PKD1L1: variants seen among roughly 807,000 people sequenced by gnomAD.
The protein encoded by PKD1L1 is polycystin 1 like 1, transient receptor potential channel interacting.
A neutral mutation model predicts 323.4 loss-of-function variants in PKD1L1; 236 were observed. That is an observed-to-expected ratio of 0.73 (90% CI 0.66 to 0.81). PKD1L1 has a LOEUF of 0.81. Ranked by LOEUF, PKD1L1 falls within the 40% of genes least tolerant of loss-of-function variation. The pLI, the probability that PKD1L1 is intolerant of heterozygous loss-of-function variation, is 0.00. For missense variants in PKD1L1, 3,320 were observed against 3,508.0 expected (o/e 0.95, Z 1.35); for synonymous variants, 1,344 against 1,335.0 (o/e 1.01, Z -0.15).
chr7:47,831,159 C>T, intron 42 of PKD1L1, 58 bp downstream of exon 42: 1 of 1,560,264 alleles, frequency 6.4e-7, no homozygotes, highest in Non-Finnish European at 8.7e-7. Flanking sequence ...GATTTGTTTA[C>T]AAATGCGAGA....
intron 8 of PKD1L1, among the ~76,000 whole-genome samples, chr7:47,912,260 G>T (rs1191838706): frequency 6.6e-6 from 1 of 151,770 alleles, no homozygotes; most frequent in Non-Finnish European, 1.5e-5. Flanking sequence ...GGGATGCAGA[G>T]GAAAATATGA....
Position 47,904,518 on chromosome 7 carries a change from C to T in PKD1L1, c.1791G>A (p.Thr597=), listed in dbSNP as rs376845932. The part of the protein sequence containing the change: ...VQKKIVANRL[T]SPSSALVNAS... Reference sequence around the variant, plus strand: ...CATTTACCAGAGCTGAGGAGGGGGACGTGAGCCGATTGGCCACAATTTTCT... The same window carrying T: ...CATTTACCAGAGCTGAGGAGGGGGATGTGAGCCGATTGGCCACAATTTTCT... Residue 597 remains threonine, a synonymous_variant, in exon 12 of 57, where the codon ACG becomes ACA. Transcript: ENST00000289672. The T allele has an allele frequency of 1.8e-5, 29 of 1,613,938 alleles. No homozygotes were observed. The African/African-American group carries it at 2.0e-4, about 11-fold the overall frequency.
At chr7:47,888,244 C>G in intron 16 of PKD1L1, 94 bp from the exon 17 acceptor site, 1 of 1,312,836 alleles carries the variant, frequency 7.6e-7, no homozygotes, top group East Asian at 2.4e-5. Context: ...AATCACCCTA[C>G]TTTGGATCTT....
chr7:47,800,675 C>CT lies in PKD1L1; in HGVS notation c.8166dup (p.Val2723SerfsTer27). 1 of 1,614,176 alleles carries CT rather than the reference C, an allele frequency of 6.2e-7. No homozygotes were observed. The highest frequency in any genetic ancestry group is 8.5e-7 in the Non-Finnish European group (1 of 1,180,036). ...ATTCCAAAACACAGTGTGGCAGAGA[C>CT]TATTAAAAGGATCCCAAAGTAACAA... On this transcript the variant is annotated frameshift_variant, in exon 54 of 57. Coordinates refer to ENST00000289672, the MANE Select transcript of PKD1L1 (RefSeq NM_138295.5). LOFTEE classifies it high-confidence loss of function.
At chr7:47,902,019 G>T (rs1787099710) in intron 13 of PKD1L1, among the ~76,000 whole-genome samples, 1 of 147,120 alleles carries the variant, frequency 6.8e-6, no homozygotes, top group Admixed American at 6.8e-5. Context: ...TCCAAAAAAA[G>T]AAAGGAAAGG....
At chr7:47,914,483 G>A (rs1484930979) in intron 8 of PKD1L1, among the ~76,000 whole-genome samples, 1 of 152,178 alleles carries the variant, frequency 6.6e-6, no homozygotes, top group African/African-American at 2.4e-5. Context: ...CCATGCTGCA[G>A]GGGTCTTCAT....
chr7:47,921,344 C>T, intron 7 of PKD1L1, among the ~76,000 whole-genome samples: 1 of 151,290 alleles, frequency 6.6e-6, no homozygotes, highest in East Asian at 1.9e-4. Context: ...AATGCGATAC[C>T]ACTTTACTCC....
upstream of PKD1L1, among the ~76,000 whole-genome samples, chr7:47,951,084 G>A (rs2708875): frequency 0.43 from 64,941 of 152,094 alleles, 14,454 homozygotes; most frequent in Non-Finnish European, 0.48. Context: ...ACTGGAAAAC[G>A]TCGAGTTTTG....
chr7:47,890,472 T>C, intron 16 of PKD1L1, 70 bp downstream of exon 16: 1 of 1,488,974 alleles, frequency 6.7e-7, no homozygotes. Flanking sequence ...CAGATTCCTT[T>C]CACGGATGCT....
intron 46 of PKD1L1, among the ~76,000 whole-genome samples, chr7:47,817,347 C>CA: frequency 6.6e-6 from 1 of 152,170 alleles, no homozygotes; most frequent in African/African-American, 2.4e-5. Context: ...GTTTCCAGCA[C>CA]ACCACAAAGA....
At position 47,846,869 on chromosome 7, in the gene PKD1L1, G is replaced by A. The variant is rs551229063; in HGVS notation, c.5153+10C>T. 1.4e-5 allele frequency: 23 copies of A among 1,587,918 alleles called. No individual in the cohort carries two copies. The highest frequency in any genetic ancestry group is 1.6e-5 in the Non-Finnish European group (19 of 1,171,644). On this transcript the variant is annotated intron_variant, in intron 32 of 56. Transcript: ENST00000289672. The stretch of plus-strand genomic sequence containing the variant: ...AAAAATCTCAGATTCTTTCTCAAAT[G>A]TGTCTATACCTGCAGTTCACTTTTT...
rs745440885 is a variant in PKD1L1, at chr7:47,855,227, G to A, written c.4629C>T (p.Ser1543=). The A allele has an allele frequency of 8.7e-6, 14 of 1,614,014 alleles. No individual in the cohort carries two copies. The highest frequency in any genetic ancestry group is 1.1e-5 in the Non-Finnish European group (13 of 1,180,026). ...GVVGLNLYTC[S]SRRPINRQWL... is the part of the protein sequence containing the mutation. ...ATTGCCTGTTGATGGGTCTTCTGCTGGAGCAGGTATAGAGGTTGAGGCCCA... is the reference window on the plus strand; with the variant it reads ...ATTGCCTGTTGATGGGTCTTCTGCTAGAGCAGGTATAGAGGTTGAGGCCCA... Residue 1543 remains serine (S), a synonymous_variant, in exon 29 of 57, where the codon TCC becomes TCT. Transcript: ENST00000289672.
At chr7:47,926,060 G>A (rs1583679371) in intron 7 of PKD1L1, among the ~76,000 whole-genome samples, 1 of 152,202 alleles carries the variant, frequency 6.6e-6, no homozygotes, top group Non-Finnish European at 1.5e-5. Flanking sequence ...CAGGAGTTCA[G>A]GGAAAAATTT....
At chr7:47,941,229 A>G (rs565306867) in intron 2 of PKD1L1, among the ~76,000 whole-genome samples, 1 of 152,286 alleles carries the variant, frequency 6.6e-6, no homozygotes, top group East Asian at 1.9e-4. Flanking sequence ...GAGTCCCTGT[A>G]AGGAAACCTG....
chr7:47,855,115 G>A (rs532390450), intron 29 of PKD1L1, 40 bp downstream of exon 29: 355 of 1,609,902 alleles, frequency 2.2e-4, no homozygotes, highest in Middle Eastern at 8.2e-4. Flanking sequence ...AGCCAGCACA[G>A]CCTAAATGAA....
intron 54 of PKD1L1, among the ~76,000 whole-genome samples, chr7:47,799,402 C>T (rs1327010291): frequency 6.6e-6 from 1 of 152,178 alleles, no homozygotes; most frequent in Non-Finnish European, 1.5e-5. Context: ...TACCAGTAGA[C>T]TTTTAAGGAC....
chr7:47,872,914 C>T (rs1200860751), intron 24 of PKD1L1, among the ~76,000 whole-genome samples: 1 of 152,172 alleles, frequency 6.6e-6, no homozygotes, highest in African/African-American at 2.4e-5. Flanking sequence ...ACAACCCACA[C>T]ATCCATCAAC....
chr7:47,914,030 G>C (rs1483221311), intron 8 of PKD1L1, among the ~76,000 whole-genome samples: 9 of 152,014 alleles, frequency 5.9e-5, no homozygotes, highest in Admixed American at 1.3e-4. Flanking sequence ...GAGTAAAATT[G>C]GTGATAAAGA....
At position 47,842,977 on chromosome 7, in the gene PKD1L1, G is replaced by A; in HGVS notation, c.5430C>T (p.Ala1810=). 1 of 1,613,408 alleles carries A rather than the reference G, an allele frequency of 6.2e-7. No homozygotes were observed. Among genetic ancestry groups the A allele is most frequent in the Non-Finnish European group, 8.5e-7 (1 of 1,179,754 alleles). The change falls in exon 34 of 57, where the codon GCC becomes GCT. Residue 1810 remains alanine (A), a synonymous_variant. Transcript: ENST00000289672. The part of the protein sequence containing the change: ...VVIDTGFRAP[A]RLTSKVYIVL... ...CTCGAGCTACCTTTGAGGTCAACCT[G>A]GCCGGAGCTCGGAAGCCAGTGTCAA... is the stretch of plus-strand genomic sequence containing the variant.
Sources: allele counts gnomAD v4.1 joint callset (sites outside exome capture counted in the v4.1 genomes callset), GRCh38; gene constraint gnomAD v4.1.1; transcripts MANE v1.5; gene names NCBI Gene and HGNC (gene_info 2026-07-23, HGNC 2026-07-21).